GABARAP: variants seen among roughly 807,000 people sequenced by gnomAD.
GABARAP encodes the protein gamma-aminobutyric acid receptor-associated protein.
GABARAP carries 5 observed loss-of-function variants against 16.7 expected under a neutral mutation model. The observed-to-expected ratio is 0.30, with a 90% confidence interval of 0.16 to 0.63. The LOEUF (loss-of-function observed/expected upper bound fraction) is 0.63, where lower values mean the gene tolerates loss of function less well. Ranked by LOEUF, GABARAP falls within the 20% of genes least tolerant of loss-of-function variation. The pLI, the probability that GABARAP is intolerant of heterozygous loss-of-function variation, is 0.82. For missense variants in GABARAP, 84 were observed against 146.6 expected, an observed-to-expected ratio of 0.57 and a Z score of 2.21; for synonymous variants, 45 against 52.7, an observed-to-expected ratio of 0.85 and a Z score of 0.64.
Position 7,240,783 on chromosome 17 carries a change from G to A in GABARAP, c.*71C>T. 4 of 957,662 alleles carry A rather than the reference G, an allele frequency of 4.2e-6. No individual in the cohort carries two copies. Among genetic ancestry groups the A allele is most frequent in the South Asian group, 1.3e-5 (1 of 76,788 alleles). The allele number at this position is 957,662 out of a possible 1,614,324, so 59.3% of individuals were successfully genotyped here. A position where few individuals can be genotyped will look rare whatever the true frequency, so the allele number is the denominator to read the frequency against. Reference sequence around the variant, plus strand: ...GGTGGTGTTTGAGCTTGAAGGAGGAGGAGGTCAAGAAAGGGGGGCCACCTC... The same window carrying A: ...GGTGGTGTTTGAGCTTGAAGGAGGAAGAGGTCAAGAAAGGGGGGCCACCTC... On this transcript the variant is annotated 3_prime_UTR_variant, in exon 4 of 4. Coordinates refer to ENST00000302386, the MANE Select transcript of GABARAP (RefSeq NM_007278.2).
intron 3 of GABARAP, 26 bp from the exon 4 acceptor site, chr17:7,240,945 A>T (rs746039192): frequency 1.3e-6 from 2 of 1,553,752 alleles, no homozygotes; most frequent in Admixed American, 3.3e-5. Flanking sequence ...AAAACTGTTC[A>T]GCAACTGGGC....
chr17:7,241,933 TGGGTCGACTA>T (rs981341755), intron 1 of GABARAP: 2 of 595,444 alleles, frequency 3.4e-6, no homozygotes, highest in African/African-American at 3.7e-5. Context: ...GTGACTTGTT[TGGGTCGACTA>T]GTGATTCAAT....
At chr17:7,241,255 A>G in intron 3 of GABARAP, 87 bp downstream of exon 3, 2 of 801,198 alleles carry the variant, frequency 2.5e-6, no homozygotes, top group South Asian at 1.4e-5. Flanking sequence ...AAGCTAGTCC[A>G]AAACTACTGA....
chr17:7,241,378 A>G lies in GABARAP; in HGVS notation c.252T>C (p.Ile84=). The G allele has an allele frequency of 6.3e-7, 1 of 1,590,036 alleles. No individual in the cohort carries two copies. The part of the protein sequence containing the change: ...DALFFFVNNV[I]PPTSATMGQL... ...GACCCATTGTGGCACTGGTGGGTGG[A>G]ATGACATTGTTGACAAAGAAAAACA... Residue 84 remains isoleucine (I), a synonymous_variant, in exon 3 of 4, where the codon ATT becomes ATC. Coordinates refer to ENST00000302386, the MANE Select transcript of GABARAP (RefSeq NM_007278.2).
At position 7,241,666 on chromosome 17, in the gene GABARAP, T is replaced by C; in HGVS notation, c.104A>G (p.Lys35Arg). 6.9e-6 allele frequency: 11 copies of C among 1,600,280 alleles called. No individual in the cohort carries two copies. Among genetic ancestry groups the C allele is most frequent in the Non-Finnish European group, 9.4e-6 (11 of 1,167,508 alleles). The change falls in exon 2 of 4, where the codon AAG becomes AGG. Residue 35 changes from lysine to arginine, a missense_variant. By Grantham distance (26) the Lys-to-Arg change is conservative. Coordinates refer to ENST00000302386, the MANE Select transcript of GABARAP (RefSeq NM_007278.2). Reference protein sequence around the residue: ...YPDRVPVIVEKAPKARIGDLD... With the variant: ...YPDRVPVIVERAPKARIGDLD... ...GTCTCCTATCCGAGCTTTGGGAGCC[T>C]TTTCTACTATCACCTGATAAAGAGA...
chr17:7,242,426 C>T lies in GABARAP; in HGVS notation c.-96G>A. The T allele has an allele frequency of 1.1e-6, 1 of 903,384 alleles. No individual in the cohort carries two copies. The allele number at this position is 903,384 out of a possible 1,614,324, so 56.0% of individuals were successfully genotyped here. On this transcript the variant is annotated 5_prime_UTR_variant, in exon 1 of 4. Coordinates refer to ENST00000302386, the MANE Select transcript of GABARAP (RefSeq NM_007278.2). ...GACGGCGGCGACGCGCGGGCGGATT[C>T]AGCGGAGCGATCCACGAATTTGCGC...
At chr17:7,241,916 G>C (rs1013272703) in intron 1 of GABARAP, 1 of 593,726 alleles carries the variant, frequency 1.7e-6, no homozygotes, top group African/African-American at 1.9e-5. Context: ...ATCTTAATCA[G>C]ACGGAGGTGA....
Position 7,240,753 on chromosome 17 carries a change from A to T in GABARAP, c.*101T>A, listed in dbSNP as rs1209202865. ...CATTAAGAAGTGCCGGTCCTGAATA[A>T]GGGAGGTGGTGTTTGAGCTTGAAGG... On this transcript the variant is annotated 3_prime_UTR_variant, in exon 4 of 4. Transcript: ENST00000302386. The T allele has an allele frequency of 1.4e-5, 11 of 776,464 alleles. No homozygotes were observed. Among genetic ancestry groups the T allele is most frequent in the Admixed American group, 2.0e-5 (1 of 51,052 alleles). The allele number at this position is 776,464 out of a possible 1,614,324, so 48.1% of individuals were successfully genotyped here. A position where few individuals can be genotyped will look rare whatever the true frequency, so the allele number is the denominator to read the frequency against.
At chr17:7,241,518 C>G in intron 2 of GABARAP, 58 bp from the exon 3 acceptor site, 1 of 1,332,494 alleles carries the variant, frequency 7.5e-7, no homozygotes, top group Non-Finnish European at 1.1e-6. Flanking sequence ...CTCAAAAGAA[C>G]AGCTGCTAGG....
chr17:7,241,756 T>C, intron 1 of GABARAP, 77 bp from the exon 2 acceptor site: 2 of 894,974 alleles, frequency 2.2e-6, no homozygotes, highest in Non-Finnish European at 1.9e-6. Flanking sequence ...CAAGAAACAA[T>C]ATTCCTAGCA....
chr17:7,241,300 A>T, intron 3 of GABARAP, 42 bp downstream of exon 3: 1 of 947,762 alleles, frequency 1.1e-6, no homozygotes, highest in Non-Finnish European at 1.7e-6. Context: ...CGCTCTTCCA[A>T]GATTCCTCTC....
Position 7,242,410 on chromosome 17 carries a change from G to A in GABARAP, c.-80C>T. The stretch of plus-strand genomic sequence containing the variant: ...GACGGGGGGCGGCGACGACGGCGGC[G>A]ACGCGCGGGCGGATTCAGCGGAGCG... On this transcript the variant is annotated 5_prime_UTR_variant, in exon 1 of 4. Coordinates refer to ENST00000302386, the MANE Select transcript of GABARAP (RefSeq NM_007278.2). 9.5e-7 allele frequency: 1 copy of A among 1,052,188 alleles called. No homozygotes were observed. Among genetic ancestry groups the A allele is most frequent in the Non-Finnish European group, 1.5e-6 (1 of 682,872 alleles). The allele number at this position is 1,052,188 out of a possible 1,614,324, so 65.2% of individuals were successfully genotyped here. A position where few individuals can be genotyped will look rare whatever the true frequency, so the allele number is the denominator to read the frequency against.
Position 7,240,758 on chromosome 17 carries a change from G to A in GABARAP, c.*96C>T, listed in dbSNP as rs1177788018. On this transcript the variant is annotated 3_prime_UTR_variant, in exon 4 of 4. Coordinates refer to ENST00000302386, the MANE Select transcript of GABARAP (RefSeq NM_007278.2). ...AGAAGTGCCGGTCCTGAATAAGGGA[G>A]GTGGTGTTTGAGCTTGAAGGAGGAG... 1 of 794,116 alleles carries A rather than the reference G, an allele frequency of 1.3e-6. No homozygotes were observed. Among genetic ancestry groups the A allele is most frequent in the African/African-American group, 1.7e-5 (1 of 58,550 alleles). 49.2% of individuals were successfully genotyped at this position (794,116 alleles called of 1,614,324 possible). A position where few individuals can be genotyped will look rare whatever the true frequency, so the allele number is the denominator to read the frequency against.
chr17:7,242,067 A>C, intron 1 of GABARAP, 174 bp downstream of exon 1: 1 of 612,514 alleles, frequency 1.6e-6, no homozygotes. Flanking sequence ...TCAACCCCAC[A>C]TCCACCACTA....
chr17:7,241,377 G>A lies in GABARAP; in HGVS notation c.253C>T (p.Pro85Ser). The stretch of plus-strand genomic sequence containing the variant: ...TGACCCATTGTGGCACTGGTGGGTG[G>A]AATGACATTGTTGACAAAGAAAAAC... ...ALFFFVNNVI[P>S]PTSATMGQLY... The change falls in exon 3 of 4, where the codon CCA becomes TCA. Residue 85 changes from proline to serine, a missense_variant. Coordinates refer to ENST00000302386, the MANE Select transcript of GABARAP (RefSeq NM_007278.2). The A allele has an allele frequency of 6.3e-7, 1 of 1,585,250 alleles. No homozygotes were observed.
At position 7,242,295 on chromosome 17, in the gene GABARAP, C is replaced by T; in HGVS notation, c.36G>A (p.Glu12=). ...KFVYKEEHPF[E]KRRSEGEKIR... is the part of the protein sequence containing the mutation. ...TCTTCTCGCCCTCAGAGCGGCGCTT[C>T]TCGAACGGATGCTCTTCTTTGTACA... The change falls in exon 1 of 4, where the codon GAG becomes GAA. Residue 12 remains glutamate (E), a synonymous_variant. Coordinates refer to ENST00000302386, the MANE Select transcript of GABARAP (RefSeq NM_007278.2). 6.2e-7 allele frequency: 1 copy of T among 1,613,884 alleles called. No individual in the cohort carries two copies. The highest frequency in any genetic ancestry group is 1.1e-5 in the South Asian group (1 of 91,082).
In GABARAP at chr17:7,240,499, A is replaced by G; in HGVS notation, c.*355T>C. On this transcript the variant is annotated 3_prime_UTR_variant, in exon 4 of 4. Coordinates refer to ENST00000302386, the MANE Select transcript of GABARAP (RefSeq NM_007278.2). ...TCAGTCCCTTCCAACTACCCCCAAA[A>G]AAGAAGGTAGTGAAAGGAAGGGATT... 2 of 186,266 alleles carry G rather than the reference A, an allele frequency of 1.1e-5. No individual in the cohort carries two copies. Among genetic ancestry groups the G allele is most frequent in the Non-Finnish European group, 2.3e-5 (2 of 88,394 alleles). The allele number at this position is 186,266 out of a possible 1,614,324, so 11.5% of individuals were successfully genotyped here.
chr17:7,241,322 C>A lies in GABARAP; in HGVS notation c.288+20G>T. On this transcript the variant is annotated intron_variant, in intron 3 of 3. Transcript: ENST00000302386. ...CCAAGATTCCTCTCCAAAGCCTCCACCACTTCCCAGTCACCATACCTGGTA... is the reference window on the plus strand; with the variant it reads ...CCAAGATTCCTCTCCAAAGCCTCCAACACTTCCCAGTCACCATACCTGGTA... 1.8e-6 allele frequency: 2 copies of A among 1,099,520 alleles called. No homozygotes were observed. The highest frequency in any genetic ancestry group is 2.5e-4 in the Middle Eastern group (1 of 3,966). 68.1% of individuals were successfully genotyped at this position (1,099,520 alleles called of 1,614,324 possible).
At chr17:7,241,549 A>G (rs1191545413) in intron 2 of GABARAP, 52 bp downstream of exon 2, 1 of 1,398,160 alleles carries the variant, frequency 7.2e-7, no homozygotes, top group African/African-American at 1.4e-5. Context: ...TCCCGCAGAG[A>G]CTGCACTCCC....
Sources: gnomAD v4.1 joint callset for allele counts on GRCh38, gnomAD v4.1.1 for gene constraint, MANE v1.5 for transcripts, NCBI Gene and HGNC (gene_info 2026-07-23, HGNC 2026-07-21) for gene names.